The following RRP8 variants were observed in gnomAD, a reference collection of about 807,000 sequenced individuals.
RRP8 encodes the protein ribosomal RNA processing 8, also known as ribosomal RNA-processing protein 8.
In RRP8, 48 loss-of-function variants were observed where a neutral mutation model predicts 45.0. The ratio of observed to expected loss-of-function variants is 1.07; its 90% CI spans 0.85 to 1.36. RRP8 has a LOEUF of 1.36. Among genes scored for constraint, RRP8 ranks in the 40% most tolerant of loss-of-function variants. The pLI is 0.00. For synonymous variants in RRP8, 274 were observed against 212.4 expected (o/e 1.29, Z -2.52); for missense variants, 658 against 573.7 (o/e 1.15, Z -1.50).
chr11:6,600,023 C>T lies in RRP8; in HGVS notation c.*123G>A. Reference sequence around the variant, plus strand: ...AGCAAGTCTGAGCCAGAGGTTTTATCACACTTTGTCCTCAGGGTCCACCAG... The same window carrying T: ...AGCAAGTCTGAGCCAGAGGTTTTATTACACTTTGTCCTCAGGGTCCACCAG... On this transcript the variant is annotated 3_prime_UTR_variant, in exon 7 of 7. Transcript: ENST00000254605. 1 of 602,680 alleles carries T rather than the reference C, an allele frequency of 1.7e-6. No homozygotes were observed. Among genetic ancestry groups the T allele is most frequent in the Non-Finnish European group, 2.8e-6 (1 of 355,646 alleles). The allele number at this position is 602,680 out of a possible 1,614,324, so 37.3% of individuals were successfully genotyped here.
intron 1 of RRP8, among the ~76,000 whole-genome samples, chr11:6,602,713 GA>G (rs1455277707): frequency 1.3e-5 from 2 of 152,216 alleles, no homozygotes; most frequent in Non-Finnish European, 2.9e-5. Context: ...GCTAGGGGAT[GA>G]AAAAGGAGGA....
chr11:6,600,356 TC>T, intron 6 of RRP8, 91 bp from the exon 7 acceptor site: 1 of 1,296,540 alleles, frequency 7.7e-7, no homozygotes, highest in Non-Finnish European at 1.1e-6. Context: ...TCACAAAGCT[TC>T]CCAGGGCTCC....
rs1167155005 is a variant in RRP8 at position 6,600,656 on chromosome 11, T to G, written c.1154+13A>C. The G allele has an allele frequency of 6.2e-7, 1 of 1,610,824 alleles. No homozygotes were observed. The highest frequency in any genetic ancestry group is 8.5e-7 in the Non-Finnish European group (1 of 1,176,938). On this transcript the variant is annotated intron_variant, in intron 5 of 6. Coordinates refer to ENST00000254605, the MANE Select transcript of RRP8 (RefSeq NM_015324.4). The stretch of plus-strand genomic sequence containing the variant: ...CACATACATACATGCATCTGTGTCC[T>G]GGGGGCTCTTACCCTGGCTTCAGTA...
Position 6,602,149 on chromosome 11 carries a change from G to A in RRP8, c.166C>T (p.Pro56Ser), listed in dbSNP as rs575858025. The A allele has an allele frequency of 1.9e-6, 3 of 1,605,006 alleles. No individual in the cohort carries two copies. Among genetic ancestry groups the A allele is most frequent in the Non-Finnish European group, 2.6e-6 (3 of 1,174,348 alleles). ...GAGTCACTTATACATAGGCTGGGGGGATGCTGGGAAAGAGATGCTGCCTCT... is the reference window on the plus strand; with the variant it reads ...GAGTCACTTATACATAGGCTGGGGGAATGCTGGGAAAGAGATGCTGCCTCT... ...ALEAASLSQH[P>S]PSLCISDSEE... Residue 56 changes from proline (P) to serine (S), a missense_variant, in exon 2 of 7, where the codon CCC (proline) becomes TCC (serine). Pro to Ser is a moderately conservative substitution (Grantham distance 74). Transcript: ENST00000254605.
chr11:6,598,901 T>G lies in RRP8; in HGVS notation c.*1245A>C, dbSNP rs1050102677. ...TTTGGGGGAGGCCTAGAATCTATCATTCAAACTCACCTTCCCTCAGCACCT... is the reference window on the plus strand; with the variant it reads ...TTTGGGGGAGGCCTAGAATCTATCAGTCAAACTCACCTTCCCTCAGCACCT... On this transcript the variant is annotated 3_prime_UTR_variant, in exon 7 of 7. Coordinates refer to ENST00000254605, the MANE Select transcript of RRP8 (RefSeq NM_015324.4). 1 of 152,282 alleles carries G rather than the reference T, an allele frequency of 6.6e-6. No individual in the cohort carries two copies. Among genetic ancestry groups the G allele is most frequent in the Admixed American group, 6.5e-5 (1 of 15,278 alleles). The allele number at this position is 152,282 out of a possible 1,614,324, so 9.4% of individuals were successfully genotyped here. A position where few individuals can be genotyped will look rare whatever the true frequency, so the allele number is the denominator to read the frequency against.
rs1422511099 is a variant in RRP8 at position 6,598,911 on chromosome 11, C to T, written c.*1235G>A. On this transcript the variant is annotated 3_prime_UTR_variant, in exon 7 of 7. Transcript: ENST00000254605. The stretch of plus-strand genomic sequence containing the variant: ...GCCTAGAATCTATCATTCAAACTCA[C>T]CTTCCCTCAGCACCTTGCCTATAGC... 1 of 152,288 alleles carries T rather than the reference C, an allele frequency of 6.6e-6. No individual in the cohort carries two copies. Among genetic ancestry groups the T allele is most frequent in the Non-Finnish European group, 1.5e-5 (1 of 68,102 alleles). 9.4% of individuals were successfully genotyped at this position (152,288 alleles called of 1,614,324 possible).
Position 6,597,452 on chromosome 11 carries a change from G to A in RRP8, c.*2694C>T, listed in dbSNP as rs1854245412. 1 of 151,930 alleles carries A rather than the reference G, an allele frequency of 6.6e-6. No individual in the cohort carries two copies. Among genetic ancestry groups the A allele is most frequent in the Admixed American group, 6.6e-5 (1 of 15,236 alleles). The allele number at this position is 151,930 out of a possible 1,614,324, so 9.4% of individuals were successfully genotyped here. ...ACTCTGGAAGAGGGCTTTCATAATG[G>A]AGCAACCTCTTACCACTGCCATTTA... On this transcript the variant is annotated 3_prime_UTR_variant, in exon 7 of 7. Transcript: ENST00000254605.
rs997788744 is a variant in RRP8, at chr11:6,598,365, A to G, written c.*1781T>C. ...CCCCTGTTCTCATCTATCCCACTCA[A>G]CTGGACCCTGTCATTCCTTATCTCT... is the stretch of plus-strand genomic sequence containing the variant. On this transcript the variant is annotated 3_prime_UTR_variant, in exon 7 of 7. Transcript: ENST00000254605. 2 of 152,150 alleles carry G rather than the reference A, an allele frequency of 1.3e-5. No individual in the cohort carries two copies. The highest frequency in any genetic ancestry group is 1.3e-4 in the Admixed American group (2 of 15,264). 9.4% of individuals were successfully genotyped at this position (152,150 alleles called of 1,614,324 possible). A position where few individuals can be genotyped will look rare whatever the true frequency, so the allele number is the denominator to read the frequency against.
chr11:6,599,213 C>G lies in RRP8; in HGVS notation c.*933G>C, dbSNP rs756553663. 2.0e-5 allele frequency: 3 copies of G among 152,256 alleles called. No individual in the cohort carries two copies. The highest frequency in any genetic ancestry group is 4.4e-5 in the Non-Finnish European group (3 of 68,088). 9.4% of individuals were successfully genotyped at this position (152,256 alleles called of 1,614,324 possible). ...TCTTTACCCCTCAGCCTCCAACCAG[C>G]CTAGGGAAGATCTTCAAAAAACAAT... On this transcript the variant is annotated 3_prime_UTR_variant, in exon 7 of 7. Coordinates refer to ENST00000254605, the MANE Select transcript of RRP8 (RefSeq NM_015324.4).
chr11:6,602,228 A>C lies in RRP8; in HGVS notation c.100-13T>G. The C allele has an allele frequency of 6.5e-7, 1 of 1,534,636 alleles. No individual in the cohort carries two copies. Among genetic ancestry groups the C allele is most frequent in the South Asian group, 1.3e-5 (1 of 77,198 alleles). On this transcript the variant is annotated splice_polypyrimidine_tract_variant and intron_variant, in intron 1 of 6. Transcript: ENST00000254605. ...GGCGCTTGGAGCCCTGGAGGAAAAC[A>C]GGGGATGACAGTGGGCCTAAAGAGA...
Position 6,600,252 on chromosome 11 carries a change from C to A in RRP8, c.1265G>T (p.Ser422Ile). The A allele has an allele frequency of 6.3e-7, 1 of 1,597,562 alleles. No homozygotes were observed. The highest frequency in any genetic ancestry group is 8.5e-7 in the Non-Finnish European group (1 of 1,174,038). Reference protein sequence around the residue: ...FKIVSKDLTNSHFFLFDFQKT... With the variant: ...FKIVSKDLTNIHFFLFDFQKT... ...TTGGAAATCAAACAAGAAGAAATGG[C>A]TGTTGGTCAGGTCCTAGGGGCAGAA... The change falls in exon 7 of 7, where the codon AGC (serine) becomes ATC (isoleucine). Residue 422 changes from serine to isoleucine, a missense_variant. Physicochemically the swap from Ser to Ile is moderately radical, Grantham distance 142. Coordinates refer to ENST00000254605, the MANE Select transcript of RRP8 (RefSeq NM_015324.4).
In RRP8 at chr11:6,603,506, G is replaced by A. The variant is rs749774893; in HGVS notation, c.-4C>T. On this transcript the variant is annotated 5_prime_UTR_variant, in exon 1 of 7. Coordinates refer to ENST00000254605, the MANE Select transcript of RRP8 (RefSeq NM_015324.4). The stretch of plus-strand genomic sequence containing the variant: ...CCCACTCAGGCTCTTCGAACATGAG[G>A]GTCGGGAGGGCAGGGTCGCCGAGTC... 9 of 1,567,762 alleles carry A rather than the reference G, an allele frequency of 5.7e-6. No individual in the cohort carries two copies. The highest frequency in any genetic ancestry group is 7.8e-6 in the Non-Finnish European group (9 of 1,156,884).
In RRP8 at chr11:6,602,140, G is replaced by A. The variant is rs1854405866; in HGVS notation, c.175C>T (p.Leu59=). 1 of 1,607,158 alleles carries A rather than the reference G, an allele frequency of 6.2e-7. No homozygotes were observed. The highest frequency in any genetic ancestry group is 1.3e-5 in the African/African-American group (1 of 74,778). ...TCCTCCTCAGAGTCACTTATACATA[G>A]GCTGGGGGGATGCTGGGAAAGAGAT... The part of the protein sequence containing the change: ...AASLSQHPPS[L]CISDSEEEEE... The change falls in exon 2 of 7, where the codon CTA becomes TTA. Residue 59 remains leucine, a synonymous_variant. Coordinates refer to ENST00000254605, the MANE Select transcript of RRP8 (RefSeq NM_015324.4).
rs1182072039 is a variant in RRP8 at position 6,600,596 on chromosome 11, A to C, written c.1155-14T>G. 34 of 1,613,886 alleles carry C rather than the reference A, an allele frequency of 2.1e-5. No individual in the cohort carries two copies. Among genetic ancestry groups the C allele is most frequent in the Non-Finnish European group, 2.8e-5 (33 of 1,179,756 alleles). On this transcript the variant is annotated splice_polypyrimidine_tract_variant and intron_variant, in intron 5 of 6. Transcript: ENST00000254605. ...TTCAGGAGACCCCTGAGAAAGACAG[A>C]AAGTTCTGTGTAAGTGCACAGACTC...
At position 6,595,287 on chromosome 11, in the gene RRP8, A is replaced by G. The variant is rs1453847830; in HGVS notation, c.*4859T>C. On this transcript the variant is annotated 3_prime_UTR_variant, in exon 7 of 7. Transcript: ENST00000254605. Reference sequence around the variant, plus strand: ...ACTTTAGATTGGTTTCAGTCATGTTATAGGGAATAATGGAACGTATTTATA... The same window carrying G: ...ACTTTAGATTGGTTTCAGTCATGTTGTAGGGAATAATGGAACGTATTTATA... 1 of 152,112 alleles carries G rather than the reference A, an allele frequency of 6.6e-6. No individual in the cohort carries two copies. Among genetic ancestry groups the G allele is most frequent in the Non-Finnish European group, 1.5e-5 (1 of 68,016 alleles). The allele number at this position is 152,112 out of a possible 1,614,324, so 9.4% of individuals were successfully genotyped here.
At position 6,598,226 on chromosome 11, in the gene RRP8, C is replaced by A. The variant is rs912295713; in HGVS notation, c.*1920G>T. 1 of 152,370 alleles carries A rather than the reference C, an allele frequency of 6.6e-6. No individual in the cohort carries two copies. Among genetic ancestry groups the A allele is most frequent in the African/African-American group, 2.4e-5 (1 of 41,564 alleles). 9.4% of individuals were successfully genotyped at this position (152,370 alleles called of 1,614,324 possible). ...TTACTTCAGATTCCTCTCTTACCAA[C>A]CTCAACATCCCACCAATTCTACCTA... On this transcript the variant is annotated 3_prime_UTR_variant, in exon 7 of 7. Coordinates refer to ENST00000254605, the MANE Select transcript of RRP8 (RefSeq NM_015324.4).
Position 6,602,169 on chromosome 11 carries a change from G to A in RRP8, c.146C>T (p.Ala49Val), listed in dbSNP as rs201919622. 17 of 1,597,470 alleles carry A rather than the reference G, an allele frequency of 1.1e-5. No individual in the cohort carries two copies. Among genetic ancestry groups the A allele is most frequent in the Non-Finnish European group, 1.3e-5 (15 of 1,171,522 alleles). Residue 49 changes from alanine to valine, a missense_variant, in exon 2 of 7, where the codon GCA (alanine) becomes GTA (valine). Transcript: ENST00000254605. ...QLLATLRALE[A>V]ASLSQHPPSL... ...GGGGGGATGCTGGGAAAGAGATGCT[G>A]CCTCTAGGGCCCGTAATGTGGCCAA...
chr11:6,602,219 G>A lies in RRP8; in HGVS notation c.100-4C>T. 6.5e-7 allele frequency: 1 copy of A among 1,542,352 alleles called. No homozygotes were observed. ...AGAGCTGGCGGCGCTTGGAGCCCTG[G>A]AGGAAAACAGGGGATGACAGTGGGC... On this transcript the variant is annotated splice_region_variant and splice_polypyrimidine_tract_variant and intron_variant, in intron 1 of 6. Coordinates refer to ENST00000254605, the MANE Select transcript of RRP8 (RefSeq NM_015324.4).
At chr11:6,600,901 C>G in intron 4 of RRP8, 25 bp downstream of exon 4, 1 of 1,613,972 alleles carries the variant, frequency 6.2e-7, no homozygotes, top group South Asian at 1.1e-5. Context: ...CCCTAGAGCA[C>G]AAGCCAGATA....
Sources: allele counts gnomAD v4.1 joint callset (sites outside exome capture counted in the v4.1 genomes callset), GRCh38; gene constraint gnomAD v4.1.1; transcripts MANE v1.5; gene names NCBI Gene and HGNC (gene_info 2026-07-23, HGNC 2026-07-21).